Variants in JOSD1 observed in about 807,000 individuals in gnomAD.
JOSD1 encodes the protein josephin-1.
Under a neutral mutation model 24.3 loss-of-function variants are expected in JOSD1, and 11 were observed. The observed-to-expected ratio is 0.45, with a 90% CI of 0.29 to 0.75. The LOEUF is 0.75. Among genes scored for constraint, JOSD1 ranks in the 30% least tolerant of loss-of-function variants. The pLI is 0.11. For synonymous variants in JOSD1, 106 were observed against 93.8 expected (o/e 1.13, Z -0.75); for missense variants, 184 against 253.5 (o/e 0.73, Z 1.86).
rs557602147 is a variant in JOSD1, at chr22:38,691,378, A to C, written c.186-1954T>G. The stretch of plus-strand genomic sequence containing the variant: ...TCTCAAAAAAAAAGAAAAAAAAAAA[A>C]AACCCACAGAATTAAAAACAACAAA... On this transcript the variant is annotated intron_variant, in intron 2 of 4. Coordinates refer to ENST00000683374, the MANE Select transcript of JOSD1 (RefSeq NM_001360236.2). Among the ~76,000 whole-genome samples, 19 of 151,818 alleles carry C rather than the reference A, an allele frequency of 1.3e-4. No individual in the cohort carries two copies. The East Asian group carries it at 3.7e-3, about 29-fold the overall frequency.
At chr22:38,698,440 G>A (rs1160700908) in intron 2 of JOSD1, among the ~76,000 whole-genome samples, 1 of 152,214 alleles carries the variant, frequency 6.6e-6, no homozygotes, top group African/African-American at 2.4e-5. Context: ...GTCCATACCT[G>A]TGTTTTACAA....
At chr22:38,698,133 G>A (rs566203195) in intron 2 of JOSD1, among the ~76,000 whole-genome samples, 1 of 152,212 alleles carries the variant, frequency 6.6e-6, no homozygotes, top group Non-Finnish European at 1.5e-5. Flanking sequence ...TATCTGATTA[G>A]GAGTAGGAGA....
intron 2 of JOSD1, among the ~76,000 whole-genome samples, chr22:38,694,011 T>A (rs1190026879): frequency 6.6e-6 from 1 of 152,246 alleles, no homozygotes; most frequent in Non-Finnish European, 1.5e-5. Context: ...AATCCCTGGA[T>A]AGTTTTTTAC....
intron 2 of JOSD1, among the ~76,000 whole-genome samples, chr22:38,698,603 C>G (rs1184789077): frequency 6.6e-6 from 1 of 152,154 alleles, no homozygotes; most frequent in Non-Finnish European, 1.5e-5. Context: ...GAGGACTGCG[C>G]GGGCCTAACT....
intron 2 of JOSD1, among the ~76,000 whole-genome samples, chr22:38,690,857 C>A (rs1023376405): frequency 6.6e-6 from 1 of 151,734 alleles, no homozygotes; most frequent in Middle Eastern, 3.2e-3. Flanking sequence ...CCCGTCTCTA[C>A]TAAAAATACA....
chr22:38,696,239 CCCT>C (rs2092545570), intron 2 of JOSD1, among the ~76,000 whole-genome samples: 1 of 151,310 alleles, frequency 6.6e-6, no homozygotes, highest in South Asian at 2.1e-4. Context: ...CTTATACCCC[CCCT>C]TTTTTTTTTT....
At chr22:38,690,249 T>C (rs2092516035) in intron 2 of JOSD1, among the ~76,000 whole-genome samples, 1 of 151,998 alleles carries the variant, frequency 6.6e-6, no homozygotes, top group African/African-American at 2.4e-5. Flanking sequence ...GTGTGGCGAG[T>C]TCCTCAGGAC....
chr22:38,692,781 CAAAAAAAAA>C (rs61214432), intron 2 of JOSD1, among the ~76,000 whole-genome samples: 4 of 45,026 alleles, frequency 8.9e-5, no homozygotes, highest in Non-Finnish European at 1.4e-4. Context: ...AACTCTGTCT[CAAAAAAAAA>C]AAAAAAAAAA....
chr22:38,689,947 T>TGTGTG (rs60712690), intron 2 of JOSD1, among the ~76,000 whole-genome samples: 2 of 145,694 alleles, frequency 1.4e-5, no homozygotes, highest in South Asian at 2.2e-4. Context: ...TGTGTGTGTG[T>TGTGTG]AGTACTTGAA....
chr22:38,691,843 T>C (rs908130540), intron 2 of JOSD1, among the ~76,000 whole-genome samples: 3 of 152,320 alleles, frequency 2.0e-5, no homozygotes, highest in Non-Finnish European at 4.4e-5. Flanking sequence ...GCCCTGTCAC[T>C]ACCAGATGTG....
At chr22:38,691,857 C>T (rs944397572) in intron 2 of JOSD1, among the ~76,000 whole-genome samples, 6 of 152,170 alleles carry the variant, frequency 3.9e-5, no homozygotes, top group South Asian at 4.1e-4. Flanking sequence ...AGATGTGTTT[C>T]TCATTGGTCT....
At chr22:38,701,002 C>T (rs1307239817), upstream of JOSD1, 9 of 983,446 alleles carry the variant, frequency 9.2e-6, no homozygotes, top group African/African-American at 1.7e-5. Context: ...CCGGCGCGTG[C>T]TCCGGAAACG....
In JOSD1 at chr22:38,699,910, G is replaced by A. The variant is rs1569267537; in HGVS notation, c.78C>T (p.Ile26=). The A allele has an allele frequency of 6.2e-7, 1 of 1,614,192 alleles. No individual in the cohort carries two copies. Among genetic ancestry groups the A allele is most frequent in the East Asian group, 2.2e-5 (1 of 44,888 alleles). ...LELPQAAPPQ[I]YHEKQRRELC... ...GCTCCCTGCGCTGTTTCTCATGGTA[G>A]ATTTGTGGGGGTGCTGCCTGGGGCA... The change falls in exon 2 of 5, where the codon ATC becomes ATT. Residue 26 remains isoleucine, a synonymous_variant. Transcript: ENST00000683374.
intron 2 of JOSD1, among the ~76,000 whole-genome samples, chr22:38,691,458 A>G: frequency 1.3e-5 from 2 of 151,642 alleles, no homozygotes; most frequent in Non-Finnish European, 2.9e-5. Flanking sequence ...ACTTAAATAC[A>G]CTCTAAACTA....
At chr22:38,694,805 T>C (rs972360449) in intron 2 of JOSD1, among the ~76,000 whole-genome samples, 1 of 138,114 alleles carries the variant, frequency 7.2e-6, no homozygotes, top group South Asian at 2.2e-4. Flanking sequence ...GAGCTTGCAG[T>C]GAGCCGAGAT....
intron 2 of JOSD1, among the ~76,000 whole-genome samples, chr22:38,698,075 T>C (rs1429236976): frequency 2.0e-5 from 3 of 152,256 alleles, no homozygotes; most frequent in African/African-American, 7.2e-5. Context: ...GTACTCACCC[T>C]GAGTCCTTTC....
At chr22:38,701,239 G>C (rs2092569630), upstream of JOSD1, 1 of 152,638 alleles carries the variant, frequency 6.6e-6, no homozygotes, top group Admixed American at 6.5e-5. Context: ...CTGGCGGGGC[G>C]GCCTGAGGGA....
intron 2 of JOSD1, among the ~76,000 whole-genome samples, chr22:38,689,912 C>CTGTGTG (rs57064558): frequency 0.058 from 8,321 of 144,554 alleles, 309 homozygotes; most frequent in East Asian, 0.12. Flanking sequence ...TAAAGGCATT[C>CTGTGTG]TGTGTGTGTG....
chr22:38,691,475 T>C (rs955190779), intron 2 of JOSD1, among the ~76,000 whole-genome samples: 1 of 152,158 alleles, frequency 6.6e-6, no homozygotes, highest in South Asian at 2.1e-4. Flanking sequence ...ACTACTTCCT[T>C]TGGCATGCAA....
Sources: allele counts gnomAD v4.1 joint callset (sites outside exome capture counted in the v4.1 genomes callset), GRCh38; gene constraint gnomAD v4.1.1; transcripts MANE v1.5; gene names NCBI Gene and HGNC (gene_info 2026-07-23, HGNC 2026-07-21).